Variants in UBN1 observed in about 807,000 individuals in gnomAD.
UBN1 encodes ubinuclein-1.
Under a neutral mutation model 108.5 loss-of-function variants are expected in UBN1, and 17 were observed. That is an observed-to-expected ratio of 0.16 (90% CI 0.11 to 0.24). The LOEUF is 0.24. UBN1 is among the 10% of genes least tolerant of loss of function. The probability of loss-of-function intolerance (pLI) is 1.00; values close to 1 mark genes in which losing one functional copy is unlikely to be tolerated. For synonymous variants in UBN1, 726 were observed against 564.2 expected (o/e 1.29, Z -4.07); for missense variants, 1,595 against 1,394.4 (o/e 1.14, Z -2.29).
chr16:4,870,329 C>A lies in UBN1; in HGVS notation c.1299C>A (p.His433Gln). 1 of 1,614,162 alleles carries A rather than the reference C, an allele frequency of 6.2e-7. No individual in the cohort carries two copies. Among genetic ancestry groups the A allele is most frequent in the Non-Finnish European group, 8.5e-7 (1 of 1,180,010 alleles). The change falls in exon 9 of 18, where the codon CAC becomes CAA. Residue 433 changes from histidine (H) to glutamine (Q), a missense_variant. Coordinates refer to ENST00000262376, the MANE Select transcript of UBN1 (RefSeq NM_001079514.3). ...DALLKRARKL[H>Q]LYEQGGRLKE... is the part of the protein sequence containing the mutation. ...TGCTCAAGCGTGCTCGGAAACTTCA[C>A]CTCTATGAACAGGTGGGTGACTCTA...
chr16:4,880,261 G>T lies in UBN1; in HGVS notation c.*129G>T. On this transcript the variant is annotated 3_prime_UTR_variant, in exon 18 of 18. Transcript: ENST00000262376. Reference sequence around the variant, plus strand: ...TCTGGAGGAGCGTGAGTTCTCAGCGGAGCGCTTCTCGGCACTTCTGATGTG... The same window carrying T: ...TCTGGAGGAGCGTGAGTTCTCAGCGTAGCGCTTCTCGGCACTTCTGATGTG... 8.8e-7 allele frequency: 1 copy of T among 1,141,890 alleles called. No individual in the cohort carries two copies. 70.7% of individuals were successfully genotyped at this position (1,141,890 alleles called of 1,614,324 possible).
intron 17 of UBN1, among the ~76,000 whole-genome samples, chr16:4,878,956 G>A (rs1444615387): frequency 6.6e-6 from 1 of 152,180 alleles, no homozygotes; most frequent in Non-Finnish European, 1.5e-5. Context: ...AGGCTGCAGC[G>A]AGCCGTGGTC....
chr16:4,854,193 C>T (rs2086687532), intron 2 of UBN1, among the ~76,000 whole-genome samples: 1 of 151,808 alleles, frequency 6.6e-6, no homozygotes, highest in Non-Finnish European at 1.5e-5. Flanking sequence ...GCCACCACGC[C>T]CGGCAAATTT....
Position 4,853,053 on chromosome 16 carries a change from C to A in UBN1, c.136C>A (p.Arg46=), listed in dbSNP as rs748751402. 2 of 1,614,196 alleles carry A rather than the reference C, an allele frequency of 1.2e-6. No homozygotes were observed. The highest frequency in any genetic ancestry group is 2.2e-5 in the South Asian group (2 of 91,084). ...QDCEPAAAAV[R]ITLTLFEPDH... Reference sequence around the variant, plus strand: ...CTGTGAGCCGGCTGCAGCAGCTGTTCGGATTACACTCACCCTCTTTGAACC... The same window carrying A: ...CTGTGAGCCGGCTGCAGCAGCTGTTAGGATTACACTCACCCTCTTTGAACC... Residue 46 remains arginine (R), a synonymous_variant, in exon 2 of 18, where the codon CGG becomes AGG. Transcript: ENST00000262376.
Position 4,859,850 on chromosome 16 carries a change from G to C in UBN1, c.568-15G>C. ...TTAGGGAGCCGTGTAACTGTGCCTT[G>C]TCTTTAATTCTCAGAAGCGGAAGTT... On this transcript the variant is annotated splice_polypyrimidine_tract_variant and intron_variant, in intron 5 of 17. Coordinates refer to ENST00000262376, the MANE Select transcript of UBN1 (RefSeq NM_001079514.3). The C allele has an allele frequency of 5.6e-6, 9 of 1,613,702 alleles. No homozygotes were observed. The highest frequency in any genetic ancestry group is 7.6e-6 in the Non-Finnish European group (9 of 1,179,830).
At chr16:4,878,672 C>T (rs1440236898) in intron 17 of UBN1, among the ~76,000 whole-genome samples, 1 of 152,164 alleles carries the variant, frequency 6.6e-6, no homozygotes, top group African/African-American at 2.4e-5. Context: ...CAAAGTCAGG[C>T]TGCCCTGCCT....
intron 4 of UBN1, 52 bp downstream of exon 4, chr16:4,858,715 C>G (rs370280585): frequency 1.3e-5 from 20 of 1,563,450 alleles, no homozygotes; most frequent in Middle Eastern, 1.7e-4. Flanking sequence ...TGTAGCTCCT[C>G]CTGATACTGA....
At chr16:4,868,940 TCTG>T (rs765229583) in intron 8 of UBN1, 37 bp downstream of exon 8, 1 of 1,610,870 alleles carries the variant, frequency 6.2e-7, no homozygotes, top group Non-Finnish European at 8.5e-7. Flanking sequence ...TCTGTCTGTT[TCTG>T]CTATTACTGA....
chr16:4,872,911 C>A lies in UBN1; in HGVS notation c.1734C>A (p.Gly578=). 1 of 1,614,216 alleles carries A rather than the reference C, an allele frequency of 6.2e-7. No homozygotes were observed. The highest frequency in any genetic ancestry group is 8.5e-7 in the Non-Finnish European group (1 of 1,180,030). The change falls in exon 13 of 18, where the codon GGC becomes GGA. Residue 578 remains glycine, a synonymous_variant. Coordinates refer to ENST00000262376, the MANE Select transcript of UBN1 (RefSeq NM_001079514.3). ...ARTLFKESRR[G]HGHLTSILAK... ...CTCTGTTTAAGGAGAGCAGACGAGG[C>A]CATGGGCACCTGACTTCAATCCTGT...
intron 9 of UBN1, 46 bp from the exon 10 acceptor site, chr16:4,870,470 A>G (rs1338987811): frequency 6.2e-7 from 1 of 1,613,286 alleles, no homozygotes; most frequent in Non-Finnish European, 8.5e-7. Flanking sequence ...CCTGAGCGTA[A>G]GAGCGATGTG....
chr16:4,879,262 C>T (rs2088006832), intron 17 of UBN1, among the ~76,000 whole-genome samples: 1 of 152,140 alleles, frequency 6.6e-6, no homozygotes, highest in Non-Finnish European at 1.5e-5. Context: ...CTATGTACCC[C>T]ATAAAATATG....
intron 1 of UBN1, among the ~76,000 whole-genome samples, chr16:4,850,387 G>T (rs558004547): frequency 6.6e-6 from 1 of 152,320 alleles, no homozygotes. Flanking sequence ...AGGGGGAGTA[G>T]GACCTGGTTG....
At chr16:4,850,498 C>T (rs950350804) in intron 1 of UBN1, among the ~76,000 whole-genome samples, 3 of 152,196 alleles carry the variant, frequency 2.0e-5, no homozygotes, top group Admixed American at 6.5e-5. Flanking sequence ...ATCTGTAAGC[C>T]TTCAGCTGGG....
rs138256917 is a variant in UBN1, at chr16:4,857,272, C to T, written c.250-718C>T. Among the ~76,000 whole-genome samples, 13 of 151,394 alleles carry T rather than the reference C, an allele frequency of 8.6e-5. No individual in the cohort carries two copies. In the East Asian group the frequency reaches 2.5e-3, roughly 29 times the overall value. On this transcript the variant is annotated intron_variant, in intron 2 of 17. Coordinates refer to ENST00000262376, the MANE Select transcript of UBN1 (RefSeq NM_001079514.3). ...GGCTGAGGCAGGAGGATCACCCGAG[C>T]CTGGGGAGGTTGAGGCTACAGTGAG...
chr16:4,878,739 G>A (rs1256014235), intron 17 of UBN1, among the ~76,000 whole-genome samples: 1 of 152,158 alleles, frequency 6.6e-6, no homozygotes, highest in Non-Finnish European at 1.5e-5. Context: ...GGCCGGACGC[G>A]GTGGCTATCA....
chr16:4,877,536 G>A lies in UBN1; in HGVS notation c.3355+62G>A. The A allele has an allele frequency of 6.6e-6, 10 of 1,511,274 alleles. No homozygotes were observed. Among genetic ancestry groups the A allele is most frequent in the Non-Finnish European group, 8.8e-6 (10 of 1,132,406 alleles). The allele number at this position is 1,511,274 out of a possible 1,614,324, so 93.6% of individuals were successfully genotyped here. On this transcript the variant is annotated intron_variant, in intron 17 of 17. Coordinates refer to ENST00000262376, the MANE Select transcript of UBN1 (RefSeq NM_001079514.3). The surrounding 1 kb of genome is among the most constrained non-coding windows in gnomAD (Gnocchi z 4.3). ...GTGCCTTTGCCCTCTCCACCCCTAG[G>A]TGCTTTGCCGCTGCCAAGGGTCTTG...
chr16:4,870,495 A>T, intron 9 of UBN1, 21 bp from the exon 10 acceptor site: 1 of 1,614,112 alleles, frequency 6.2e-7, no homozygotes, highest in East Asian at 2.2e-5. Flanking sequence ...CCTGCCTTGA[A>T]TTGTGTCCCG....
At chr16:4,878,156 G>A (rs965928987) in intron 17 of UBN1, among the ~76,000 whole-genome samples, 16 of 152,116 alleles carry the variant, frequency 1.1e-4, no homozygotes, top group Middle Eastern at 3.2e-3. Flanking sequence ...CAGGTGCCCC[G>A]GGTTGGTACC....
intron 2 of UBN1, among the ~76,000 whole-genome samples, chr16:4,854,781 G>A (rs543663575): frequency 5.9e-5 from 9 of 151,744 alleles, no homozygotes; most frequent in Admixed American, 5.2e-4. Flanking sequence ...GGCATGCAGT[G>A]GTGCAATCTT....
Sources: allele counts gnomAD v4.1 joint callset (sites outside exome capture counted in the v4.1 genomes callset), GRCh38; gene constraint gnomAD v4.1.1; non-coding constraint Gnocchi (gnomAD v3.1); transcripts MANE v1.5; gene names NCBI Gene and HGNC (gene_info 2026-07-23, HGNC 2026-07-21).